Variants in UMPS observed in about 807,000 individuals in gnomAD.
UMPS encodes uridine 5'-monophosphate synthase.
UMPS carries 21 observed loss-of-function variants against 38.9 expected under a neutral mutation model. That is an observed-to-expected ratio of 0.54 (90% CI 0.38 to 0.78). The LOEUF (loss-of-function observed/expected upper bound fraction) is 0.78. Among genes scored for constraint, UMPS ranks in the 30% least tolerant of loss-of-function variants. The probability of loss-of-function intolerance (pLI) is 0.00; values close to 1 mark genes in which losing one functional copy is unlikely to be tolerated. For synonymous variants in UMPS, 208 were observed against 219.3 expected, an observed-to-expected ratio of 0.95 and a Z score of 0.45; for missense variants, 533 against 591.6, an observed-to-expected ratio of 0.90 and a Z score of 1.03.
At chr3:124,730,713 G>C in intron 1 of UMPS, 86 bp downstream of exon 1, 2 of 1,511,002 alleles carry the variant, frequency 1.3e-6, no homozygotes, top group Non-Finnish European at 1.8e-6. Flanking sequence ...GTTGGGCCGT[G>C]AGTGAGAGCA....
intron 1 of UMPS, 30 bp downstream of exon 1, chr3:124,730,657 C>A: frequency 6.2e-7 from 1 of 1,604,740 alleles, no homozygotes; most frequent in Non-Finnish European, 8.5e-7. Context: ...AAGGACAGGG[C>A]TTGGTGGCGG....
At position 124,744,427 on chromosome 3, in the gene UMPS, T is replaced by G. The variant is rs1263342236; in HGVS notation, c.*343T>G. 1 of 457,238 alleles carries G rather than the reference T, an allele frequency of 2.2e-6. No individual in the cohort carries two copies. Among genetic ancestry groups the G allele is most frequent in the Admixed American group, 2.3e-5 (1 of 42,664 alleles). The allele number at this position is 457,238 out of a possible 1,614,324, so 28.3% of individuals were successfully genotyped here. ...TTGTTATTCTATTTATTTTTTAATT[T>G]TTTTCGAGACAGGATCTCACTCTGT... is the stretch of plus-strand genomic sequence containing the variant. On this transcript the variant is annotated 3_prime_UTR_variant, in exon 6 of 6. Transcript: ENST00000232607.
rs764537229 is a variant in UMPS, at chr3:124,740,041, G to T, written c.1000G>T (p.Ala334Ser). The change falls in exon 4 of 6, where the codon GCT (alanine) becomes TCT (serine). Residue 334 changes from alanine to serine, a missense_variant. By Grantham distance (99) the Ala-to-Ser change is moderately conservative. Transcript: ENST00000232607. ...CTTCTTAGGAGGTATCTTTAAAATA[G>T]CTTCCTGGGCAGATCTAGTAAATGC... is the stretch of plus-strand genomic sequence containing the variant. ...KQYEGGIFKI[A>S]SWADLVNAHV... is the part of the protein sequence containing the mutation. 1 of 1,614,128 alleles carries T rather than the reference G, an allele frequency of 6.2e-7. No individual in the cohort carries two copies. The highest frequency in any genetic ancestry group is 1.7e-5 in the Admixed American group (1 of 60,026).
intron 1 of UMPS, chr3:124,731,495 T>C: frequency 2.3e-6 from 1 of 440,852 alleles, no homozygotes; most frequent in South Asian, 1.6e-5. Context: ...TTTTATTTAT[T>C]TATTTTTTAG....
chr3:124,739,935 T>G (rs1280203193), intron 3 of UMPS, 89 bp from the exon 4 acceptor site: 67 of 1,253,926 alleles, frequency 5.3e-5, no homozygotes, highest in Non-Finnish European at 6.6e-5. Context: ...TACTGGGAGA[T>G]TATTTCATAT....
intron 5 of UMPS, among the ~76,000 whole-genome samples, chr3:124,743,007 C>A (rs932701711): frequency 2.6e-5 from 4 of 152,026 alleles, no homozygotes; most frequent in African/African-American, 9.7e-5. Context: ...TGAATTTATG[C>A]TTCTGGAAAA....
chr3:124,731,686 C>A, intron 1 of UMPS: 1 of 213,284 alleles, frequency 4.7e-6, no homozygotes, highest in Non-Finnish European at 9.9e-6. Flanking sequence ...CACTTAAGGT[C>A]TGGAGTTCGA....
In UMPS at chr3:124,735,086, C is replaced by T. The variant is rs1321003404; in HGVS notation, c.157-7C>T. ...AAAACATTGTTTATGTGTTCATTTT[C>T]TTACAGGTTGCAGATATTTTATTCC... On this transcript the variant is annotated splice_region_variant and splice_polypyrimidine_tract_variant and intron_variant, in intron 1 of 5. Transcript: ENST00000232607. 1 of 1,612,506 alleles carries T rather than the reference C, an allele frequency of 6.2e-7. No individual in the cohort carries two copies. The highest frequency in any genetic ancestry group is 8.5e-7 in the Non-Finnish European group (1 of 1,178,924).
At position 124,747,386 on chromosome 3, in the gene UMPS, G is replaced by A; in HGVS notation, c.*3302G>A. ...TGAGCTAGCTGCTAATGCTGGCCTG[G>A]GTGCAGTTCTCATCCAAAGTACCCG... On this transcript the variant is annotated 3_prime_UTR_variant, in exon 6 of 6. Coordinates refer to ENST00000232607, the MANE Select transcript of UMPS (RefSeq NM_000373.4). 2.2e-6 allele frequency: 1 copy of A among 454,380 alleles called. No homozygotes were observed. The highest frequency in any genetic ancestry group is 4.4e-6 in the Non-Finnish European group (1 of 226,364). 28.1% of individuals were successfully genotyped at this position (454,380 alleles called of 1,614,324 possible).
intron 2 of UMPS, among the ~76,000 whole-genome samples, chr3:124,736,730 G>T (rs2063521152): frequency 6.6e-6 from 1 of 152,126 alleles, no homozygotes; most frequent in Admixed American, 6.5e-5. Context: ...ATAAATACTT[G>T]CAGTCTTGTG....
At position 124,730,537 on chromosome 3, in the gene UMPS, G is replaced by A; in HGVS notation, c.66G>A (p.Lys22=). Residue 22 remains lysine (K), a synonymous_variant, in exon 1 of 6, where the codon AAG becomes AAA. Coordinates refer to ENST00000232607, the MANE Select transcript of UMPS (RefSeq NM_000373.4). ...GTCTGTACGACGTGCAGGCTTTCAA[G>A]TTTGGGGACTTCGTGCTGAAGAGCG... is the stretch of plus-strand genomic sequence containing the variant. ...VTGLYDVQAF[K]FGDFVLKSGL... is the part of the protein sequence containing the mutation. The A allele has an allele frequency of 9.3e-6, 15 of 1,614,156 alleles. No homozygotes were observed. The highest frequency in any genetic ancestry group is 1.3e-5 in the Non-Finnish European group (15 of 1,179,986).
Position 124,747,793 on chromosome 3 carries a change from C to T in UMPS, c.*3709C>T. ...TCTTCTGCCTTCCCAACCATCACCT[C>T]TGGCTGCATCAGCGATCTCTCCCAG... is the stretch of plus-strand genomic sequence containing the variant. On this transcript the variant is annotated 3_prime_UTR_variant, in exon 6 of 6. Transcript: ENST00000232607. 2.2e-6 allele frequency: 1 copy of T among 450,674 alleles called. No homozygotes were observed. The highest frequency in any genetic ancestry group is 4.5e-6 in the Non-Finnish European group (1 of 223,804). The allele number at this position is 450,674 out of a possible 1,614,324, so 27.9% of individuals were successfully genotyped here.
At position 124,748,081 on chromosome 3, in the gene UMPS, C is replaced by CAGTT. The variant is rs573773716; in HGVS notation, c.*3999_*4002dup. 1 of 383,694 alleles carries CAGTT rather than the reference C, an allele frequency of 2.6e-6. No individual in the cohort carries two copies. The highest frequency in any genetic ancestry group is 2.1e-5 in the African/African-American group (1 of 46,904). 23.8% of individuals were successfully genotyped at this position (383,694 alleles called of 1,614,324 possible). ...TATATTTTTAAAATATATATTTTAA[C>CAGTT]AGTTATATATATTAGATATAATATA... On this transcript the variant is annotated 3_prime_UTR_variant, in exon 6 of 6. Transcript: ENST00000232607.
At position 124,747,251 on chromosome 3, in the gene UMPS, C is replaced by G; in HGVS notation, c.*3167C>G. On this transcript the variant is annotated 3_prime_UTR_variant, in exon 6 of 6. Transcript: ENST00000232607. ...TTCTCACTGTGACTCAGTGTGTGCC[C>G]GACAGCAGAGCCCACACCACTCCAG... 2.2e-6 allele frequency: 1 copy of G among 448,410 alleles called. No individual in the cohort carries two copies. Among genetic ancestry groups the G allele is most frequent in the Non-Finnish European group, 4.5e-6 (1 of 223,568 alleles). The allele number at this position is 448,410 out of a possible 1,614,324, so 27.8% of individuals were successfully genotyped here.
intron 2 of UMPS, chr3:124,737,142 A>G (rs1332885557): frequency 5.7e-6 from 1 of 174,756 alleles, no homozygotes; most frequent in East Asian, 1.6e-4. Flanking sequence ...GGTGGCTCAC[A>G]CCTATAATCC....
chr3:124,740,774 C>T (rs1029011310), intron 4 of UMPS, among the ~76,000 whole-genome samples: 2 of 151,834 alleles, frequency 1.3e-5, no homozygotes, highest in South Asian at 2.1e-4. Flanking sequence ...AGTGAGATCT[C>T]GTCTCTACAA....
At chr3:124,732,719 T>A (rs966117120) in intron 1 of UMPS, among the ~76,000 whole-genome samples, 2 of 152,228 alleles carry the variant, frequency 1.3e-5, no homozygotes, top group African/African-American at 4.8e-5. Context: ...CATATAAGTT[T>A]CCTCAGCCCA....
rs748743048 is a variant in UMPS at position 124,740,008 on chromosome 3, T to TC, written c.983-11dup. On this transcript the variant is annotated splice_polypyrimidine_tract_variant and intron_variant, in intron 3 of 5. Transcript: ENST00000232607. ...TTTGAAAATCAGCAAATATCTTTTT[T>TC]CCCCCTTCTTCTTAGGAGGTATCTT... is the stretch of plus-strand genomic sequence containing the variant. 6.2e-7 allele frequency: 1 copy of TC among 1,613,948 alleles called. No homozygotes were observed. The highest frequency in any genetic ancestry group is 8.5e-7 in the Non-Finnish European group (1 of 1,179,890).
intron 3 of UMPS, among the ~76,000 whole-genome samples, chr3:124,739,669 A>G (rs764989965): frequency 2.6e-5 from 4 of 152,194 alleles, no homozygotes; most frequent in East Asian, 1.9e-4. Flanking sequence ...CTTGACATCA[A>G]TAAATGTTTA....
Sources: allele counts gnomAD v4.1 joint callset (sites outside exome capture counted in the v4.1 genomes callset), GRCh38; gene constraint gnomAD v4.1.1; transcripts MANE v1.5; gene names NCBI Gene and HGNC (gene_info 2026-07-23, HGNC 2026-07-21).